Variants in ABAT observed in about 807,000 individuals in gnomAD.
ABAT encodes 4-aminobutyrate aminotransferase.
A neutral mutation model predicts 64.6 loss-of-function variants in ABAT; 45 were observed. That is an observed-to-expected ratio of 0.70 (90% CI 0.55 to 0.89). The LOEUF (loss-of-function observed/expected upper bound fraction) is 0.89, where lower values mean the gene tolerates loss of function less well. ABAT is among the 40% of genes least tolerant of loss of function. The pLI is 0.00. For missense variants in ABAT, 633 were observed against 658.4 expected, an observed-to-expected ratio of 0.96 and a Z score of 0.42; for synonymous variants, 297 against 250.5, an observed-to-expected ratio of 1.19 and a Z score of -1.75.
intron 1 of ABAT, among the ~76,000 whole-genome samples, chr16:8,680,072 T>C (rs186011944): frequency 3.0e-4 from 46 of 152,266 alleles, no homozygotes; most frequent in African/African-American, 8.9e-4. Flanking sequence ...CTTTTACAGG[T>C]AGTCTTCCCC....
intron 1 of ABAT, among the ~76,000 whole-genome samples, chr16:8,685,888 A>G (rs2057444498): frequency 6.6e-6 from 1 of 152,208 alleles, no homozygotes; most frequent in South Asian, 2.1e-4. Context: ...AAAGCAAGGC[A>G]GTGATGTGAT....
intron 5 of ABAT, 94 bp from the exon 6 acceptor site, chr16:8,757,663 G>A (rs919228698): frequency 9.2e-5 from 122 of 1,324,434 alleles, no homozygotes; most frequent in Middle Eastern, 7.3e-4. Flanking sequence ...AGAGTTGGGG[G>A]GTTGGAAAGG....
intron 1 of ABAT, among the ~76,000 whole-genome samples, chr16:8,726,465 G>C (rs928601890): frequency 6.6e-6 from 1 of 151,892 alleles, no homozygotes; most frequent in Non-Finnish European, 1.5e-5. Context: ...AGCCATGTTC[G>C]CCAGGCTGGC....
intron 1 of ABAT, among the ~76,000 whole-genome samples, chr16:8,707,471 G>T (rs1205622333): frequency 6.6e-6 from 1 of 151,214 alleles, no homozygotes; most frequent in Admixed American, 6.6e-5. Flanking sequence ...ACAGGCATGA[G>T]CCAATGTGCC....
chr16:8,712,037 C>T (rs1224189085), intron 1 of ABAT, among the ~76,000 whole-genome samples: 3 of 151,692 alleles, frequency 2.0e-5, no homozygotes, highest in Non-Finnish European at 4.4e-5. Flanking sequence ...TGAGGATCAG[C>T]CTGGCCAACA....
intron 13 of ABAT, among the ~76,000 whole-genome samples, chr16:8,775,669 T>G (rs925432544): frequency 1.3e-5 from 2 of 152,214 alleles, no homozygotes; most frequent in African/African-American, 4.8e-5. Flanking sequence ...TGGCTTCTGA[T>G]GCTCCAGCCA....
At position 8,776,454 on chromosome 16, in the gene ABAT, C is replaced by A. The variant is rs147188899; in HGVS notation, c.1233C>A (p.Ala411=). The part of the protein sequence containing the change: ...REDLLNNAAH[A]GKALLTGLLD... The stretch of plus-strand genomic sequence containing the variant: ...ACCTGCTAAATAATGCAGCCCATGC[C>A]GGGAAGGCCCTGCTCACAGGACTGC... The change falls in exon 14 of 16, where the codon GCC becomes GCA. Residue 411 remains alanine (A), a synonymous_variant. Coordinates refer to ENST00000268251, the MANE Select transcript of ABAT (RefSeq NM_020686.6). This position sits in a 1 kb window ranked among gnomAD's most constrained non-coding sequence, Gnocchi z 4.4. 9.3e-6 allele frequency: 15 copies of A among 1,614,050 alleles called. No homozygotes were observed. The African/African-American group carries it at 2.0e-4, about 22-fold the overall frequency.
rs531531955 is a variant in ABAT, at chr16:8,692,619, G to A, written c.-42+17908G>A. Among the ~76,000 whole-genome samples the A allele has an allele frequency of 3.9e-5, 6 of 152,264 alleles. No homozygotes were observed. In the East Asian group the frequency reaches 9.6e-4, roughly 24 times the overall value. Reference sequence around the variant, plus strand: ...CATGTCATATTTTCTTCCTCCTGATGGGAATGGAGCATGCTCACAAATTCA... The same window carrying A: ...CATGTCATATTTTCTTCCTCCTGATAGGAATGGAGCATGCTCACAAATTCA... On this transcript the variant is annotated intron_variant, in intron 1 of 15. Coordinates refer to ENST00000268251, the MANE Select transcript of ABAT (RefSeq NM_020686.6).
rs1307935502 is a variant in ABAT, at chr16:8,750,446, T to C, written c.223T>C (p.Cys75Arg). 6.2e-7 allele frequency: 1 copy of C among 1,614,198 alleles called. No individual in the cohort carries two copies. Among genetic ancestry groups the C allele is most frequent in the African/African-American group, 1.3e-5 (1 of 75,062 alleles). The change falls in exon 5 of 16, where the codon TGC becomes CGC. Residue 75 changes from cysteine (C) to arginine (R), a missense_variant. Coordinates refer to ENST00000268251, the MANE Select transcript of ABAT (RefSeq NM_020686.6). ...GAATGCAGAGGCTGTGCATTTTTTC[T>C]GCAATTACGAAGAGAGCCGAGGCAA... ...IQNAEAVHFF[C>R]NYEESRGNYL...
chr16:8,693,074 C>T (rs549979877), intron 1 of ABAT, among the ~76,000 whole-genome samples: 5 of 152,004 alleles, frequency 3.3e-5, no homozygotes, highest in African/African-American at 9.7e-5. Context: ...AGGATGGTCT[C>T]GAACTCATGA....
At chr16:8,699,741 A>T (rs73497657) in intron 1 of ABAT, among the ~76,000 whole-genome samples, 10,684 of 151,404 alleles carry the variant, frequency 0.071, 1,258 homozygotes, top group African/African-American at 0.25. Flanking sequence ...TTTTTTGGTA[A>T]TTTTTGTAGA....
intron 2 of ABAT, among the ~76,000 whole-genome samples, chr16:8,741,824 C>T (rs2059169499): frequency 6.6e-6 from 1 of 152,238 alleles, no homozygotes; most frequent in African/African-American, 2.4e-5. Flanking sequence ...CTTCAACTCA[C>T]TAGCTGTGTG....
At chr16:8,705,127 C>T (rs982986284) in intron 1 of ABAT, among the ~76,000 whole-genome samples, 3 of 152,024 alleles carry the variant, frequency 2.0e-5, no homozygotes, top group Non-Finnish European at 4.4e-5. Flanking sequence ...AAAGATACTA[C>T]CTGAGACTGG....
intron 1 of ABAT, among the ~76,000 whole-genome samples, chr16:8,732,854 C>T (rs1596436073): frequency 6.6e-6 from 1 of 150,836 alleles, no homozygotes. Flanking sequence ...CAGAGGGGCT[C>T]CTCACTTCCC....
chr16:8,724,007 A>C (rs1455179920), intron 1 of ABAT, among the ~76,000 whole-genome samples: 1 of 151,140 alleles, frequency 6.6e-6, no homozygotes. Context: ...TGCATGGCTA[A>C]TTTTTATATT....
At position 8,779,545 on chromosome 16, in the gene ABAT, G is replaced by C. The variant is rs144514905; in HGVS notation, c.1336G>C (p.Asp446His). The change falls in exon 15 of 16, where the codon GAT becomes CAT. Residue 446 changes from aspartate (D) to histidine (H), a missense_variant. Physicochemically the swap from Asp to His is moderately conservative, Grantham distance 81 (BLOSUM62 -1). Coordinates refer to ENST00000268251, the MANE Select transcript of ABAT (RefSeq NM_020686.6). Reference sequence around the variant, plus strand: ...CACCTTTTGCTCCTTCGATACTCCCGATGATTCCATACGGAATAAGCTCAT... The same window carrying C: ...CACCTTTTGCTCCTTCGATACTCCCCATGATTCCATACGGAATAAGCTCAT... The part of the protein sequence containing the change: ...RGTFCSFDTP[D>H]DSIRNKLILI... 6.2e-7 allele frequency: 1 copy of C among 1,614,024 alleles called. No individual in the cohort carries two copies. Among genetic ancestry groups the C allele is most frequent in the Non-Finnish European group, 8.5e-7 (1 of 1,180,020 alleles).
intron 6 of ABAT, among the ~76,000 whole-genome samples, chr16:8,760,634 C>G (rs889762262): frequency 3.4e-4 from 51 of 152,204 alleles, no homozygotes; most frequent in Non-Finnish European, 6.5e-4. Context: ...CATCTAAAGC[C>G]TGGCTTTGTT....
chr16:8,742,310 C>T (rs1297959890), intron 2 of ABAT, among the ~76,000 whole-genome samples: 1 of 152,222 alleles, frequency 6.6e-6, no homozygotes, highest in African/African-American at 2.4e-5. Context: ...TATTTCCACA[C>T]TCCGGTTCCC....
intron 6 of ABAT, 22 bp downstream of exon 6, chr16:8,757,828 A>G (rs2059690428): frequency 4.3e-6 from 7 of 1,611,450 alleles, no homozygotes; most frequent in Non-Finnish European, 5.9e-6. Flanking sequence ...GGTTACACAG[A>G]AGAAAGACAA....
Sources: allele counts gnomAD v4.1 joint callset (sites outside exome capture counted in the v4.1 genomes callset), GRCh38; gene constraint gnomAD v4.1.1; non-coding constraint Gnocchi (gnomAD v3.1); transcripts MANE v1.5; gene names NCBI Gene and HGNC (gene_info 2026-07-23, HGNC 2026-07-21).